Variants in BCAS3 observed in about 807,000 individuals in gnomAD.
The protein encoded by BCAS3 is BCAS4/BCAS3 fusion.
A neutral mutation model predicts 116.1 loss-of-function variants in BCAS3; 53 were observed. The ratio of observed to expected loss-of-function variants is 0.46; its 90% CI spans 0.37 to 0.57. BCAS3 has a LOEUF of 0.57. BCAS3 is among the 20% of genes least tolerant of loss of function. The pLI is 0.00. For synonymous variants in BCAS3, 391 were observed against 408.2 expected, an observed-to-expected ratio of 0.96 and a Z score of 0.51; for missense variants, 917 against 1,165.4, an observed-to-expected ratio of 0.79 and a Z score of 3.10.
At chr17:60,830,672 T>A (rs753273154) in intron 7 of BCAS3, among the ~76,000 whole-genome samples, 3 of 152,096 alleles carry the variant, frequency 2.0e-5, no homozygotes, top group Non-Finnish European at 2.9e-5. Flanking sequence ...AAAACTCCTT[T>A]TACACAAAAG....
intron 22 of BCAS3, among the ~76,000 whole-genome samples, chr17:61,157,826 GTCTTC>G (rs935031992): frequency 7.9e-5 from 12 of 152,126 alleles, no homozygotes; most frequent in African/African-American, 2.9e-4. Flanking sequence ...GGAAGACCTT[GTCTTC>G]ATTCATCTAT....
At chr17:60,992,158 A>G (rs978754967) in intron 15 of BCAS3, among the ~76,000 whole-genome samples, 5 of 149,268 alleles carry the variant, frequency 3.3e-5, no homozygotes, top group African/African-American at 1.0e-4. Flanking sequence ...TACTGACCAC[A>G]TTACACATTC....
chr17:61,170,412 C>T (rs1380164336), intron 22 of BCAS3, among the ~76,000 whole-genome samples: 1 of 152,030 alleles, frequency 6.6e-6, no homozygotes, highest in Admixed American at 6.6e-5. Context: ...CCTGCCTCAG[C>T]CTCCCAAGTG....
chr17:61,185,374 C>T (rs973031018), intron 22 of BCAS3, among the ~76,000 whole-genome samples: 3 of 152,136 alleles, frequency 2.0e-5, no homozygotes, highest in African/African-American at 7.2e-5. Flanking sequence ...GGGCTATCTC[C>T]ATATACAGTA....
chr17:61,345,263 G>C lies in BCAS3; in HGVS notation c.2426-23064G>C, dbSNP rs932502079. On this transcript the variant is annotated intron_variant, in intron 22 of 23. Coordinates refer to ENST00000407086, the MANE Select transcript of BCAS3 (RefSeq NM_017679.5). ...AGGAGACTCCGCTTCCGCTATGCCT[G>C]ACTGGCTGGCTGGGCGATTCTTTGG... is the stretch of plus-strand genomic sequence containing the variant. Among the ~76,000 whole-genome samples, 4 of 152,208 alleles carry C rather than the reference G, an allele frequency of 2.6e-5. No homozygotes were observed. The East Asian group carries it at 5.8e-4, about 22-fold the overall frequency.
Position 61,088,165 on chromosome 17 carries a change from G to T in BCAS3, c.2425+3601G>T, listed in dbSNP as rs139813858. Among the ~76,000 whole-genome samples, 1 of 152,104 alleles carries T rather than the reference G, an allele frequency of 6.6e-6. No individual in the cohort carries two copies. Among genetic ancestry groups the T allele is most frequent in the Non-Finnish European group, 1.5e-5 (1 of 68,018 alleles). ...CCAGTGCACTCTAGCCTGGGTGACCGAGCAAGGCTCTGTCTCAAAAAGACA... is the reference window on the plus strand; with the variant it reads ...CCAGTGCACTCTAGCCTGGGTGACCTAGCAAGGCTCTGTCTCAAAAAGACA... On this transcript the variant is annotated intron_variant, in intron 22 of 23. Transcript: ENST00000407086. This position sits in a 1 kb window ranked among gnomAD's most constrained non-coding sequence, Gnocchi z 4.2.
At chr17:60,916,022 T>C (rs2058762061) in intron 12 of BCAS3, among the ~76,000 whole-genome samples, 1 of 152,160 alleles carries the variant, frequency 6.6e-6, no homozygotes, top group Admixed American at 6.5e-5. Context: ...TATTCCATTG[T>C]ATGAATGTGT....
chr17:61,277,721 G>A (rs1223506695), intron 22 of BCAS3, among the ~76,000 whole-genome samples: 2 of 152,078 alleles, frequency 1.3e-5, no homozygotes, highest in African/African-American at 4.8e-5. Context: ...GATACACAAT[G>A]GCCAATAATC....
At chr17:60,942,527 G>C (rs1264693883) in intron 13 of BCAS3, among the ~76,000 whole-genome samples, 1 of 152,080 alleles carries the variant, frequency 6.6e-6, no homozygotes, top group Non-Finnish European at 1.5e-5. Context: ...ATCATAGCTA[G>C]ACATATAATG....
chr17:60,783,184 A>T (rs72843584), intron 6 of BCAS3, among the ~76,000 whole-genome samples: 6 of 152,100 alleles, frequency 3.9e-5, no homozygotes, highest in African/African-American at 1.4e-4. Flanking sequence ...CAGTTTTTCA[A>T]TCAACAGTTT....
chr17:61,239,563 A>C lies in BCAS3; in HGVS notation c.2426-128764A>C, dbSNP rs149849135. Among the ~76,000 whole-genome samples, 535 of 152,304 alleles carry C rather than the reference A, an allele frequency of 3.5e-3. 9 individuals carry two copies. Among genetic ancestry groups the C allele is most frequent in the Non-Finnish European group, 9.7e-4 (66 of 68,022 alleles). On this transcript the variant is annotated intron_variant, in intron 22 of 23. Transcript: ENST00000407086. The surrounding 1 kb of genome is among the most constrained non-coding windows in gnomAD (Gnocchi z 4.2). ...TTATCAGTGGCTCCAAGATTAATATAAAAAGAGAACTTCATTTACTCTGAG... is the reference window on the plus strand; with the variant it reads ...TTATCAGTGGCTCCAAGATTAATATCAAAAGAGAACTTCATTTACTCTGAG...
Position 61,235,196 on chromosome 17 carries a change from C to T in BCAS3, c.2426-133131C>T, listed in dbSNP as rs111943956. ...ACCACCACGCCTGGCTGTCTGCCCCCCGCCTGTCCTAAGCACTTTAAATGT... is the reference window on the plus strand; with the variant it reads ...ACCACCACGCCTGGCTGTCTGCCCCTCGCCTGTCCTAAGCACTTTAAATGT... On this transcript the variant is annotated intron_variant, in intron 22 of 23. Transcript: ENST00000407086. The surrounding 1 kb of genome is among the most constrained non-coding windows in gnomAD (Gnocchi z 5.0). 2.0e-5 allele frequency among the ~76,000 whole-genome samples: 3 copies of T among 152,128 alleles called. No homozygotes were observed. The highest frequency in any genetic ancestry group is 7.2e-5 in the African/African-American group (3 of 41,432).
rs2061728501 is a variant in BCAS3, at chr17:60,967,623, C to T, written c.1221+20271C>T. ...ATTATTATTTCTTTGGCTGCATTTTCTACCCTTTAGTCTTATCTCCCTCTT... is the reference window on the plus strand; with the variant it reads ...ATTATTATTTCTTTGGCTGCATTTTTTACCCTTTAGTCTTATCTCCCTCTT... On this transcript the variant is annotated intron_variant, in intron 14 of 23. Transcript: ENST00000407086. The surrounding 1 kb of genome is among the most constrained non-coding windows in gnomAD (Gnocchi z 4.7). Among the ~76,000 whole-genome samples, 1 of 152,078 alleles carries T rather than the reference C, an allele frequency of 6.6e-6. No homozygotes were observed. The highest frequency in any genetic ancestry group is 2.4e-5 in the African/African-American group (1 of 41,420).
chr17:61,192,636 C>T (rs1432403694), intron 22 of BCAS3, among the ~76,000 whole-genome samples: 3 of 152,084 alleles, frequency 2.0e-5, no homozygotes, highest in Non-Finnish European at 4.4e-5. Context: ...CAGTTCTATA[C>T]CCAGCTAAAA....
chr17:60,887,311 GGTGC>G (rs2056771704), intron 9 of BCAS3: 1 of 84,298 alleles, frequency 1.2e-5, no homozygotes, highest in African/African-American at 2.8e-4. Flanking sequence ...GCTCGCGCAC[GGTGC>G]ACGGTGCGTG....
At position 61,317,498 on chromosome 17, in the gene BCAS3, C is replaced by G. The variant is rs116899621; in HGVS notation, c.2426-50829C>G. Among the ~76,000 whole-genome samples the G allele has an allele frequency of 2.9e-3, 441 of 152,278 alleles. 2 individuals carry two copies. Among genetic ancestry groups the G allele is most frequent in the Non-Finnish European group, 4.6e-3 (310 of 68,026 alleles). On this transcript the variant is annotated intron_variant, in intron 22 of 23. Transcript: ENST00000407086. ...CCAGACAGTTCCTGGTGTTTGGGGCCTGGACCAGGAAAATGCAGCTCATGG... is the reference window on the plus strand; with the variant it reads ...CCAGACAGTTCCTGGTGTTTGGGGCGTGGACCAGGAAAATGCAGCTCATGG...
chr17:60,991,490 C>T (rs1238204940), intron 15 of BCAS3, among the ~76,000 whole-genome samples: 4 of 152,146 alleles, frequency 2.6e-5, no homozygotes, highest in Admixed American at 6.6e-5. Context: ...CTCACTAGAA[C>T]GACAGAAAAC....
intron 13 of BCAS3, among the ~76,000 whole-genome samples, chr17:60,941,075 A>G (rs888539697): frequency 1.3e-5 from 2 of 152,236 alleles, no homozygotes; most frequent in Non-Finnish European, 2.9e-5. Flanking sequence ...GTGTACCATC[A>G]GCAGCTTGAA....
At chr17:60,925,769 C>T (rs1474610937) in intron 13 of BCAS3, among the ~76,000 whole-genome samples, 1 of 152,002 alleles carries the variant, frequency 6.6e-6, no homozygotes, top group Non-Finnish European at 1.5e-5. Context: ...TGGTGTAATA[C>T]TTCCAGTGGT....
Sources: allele counts gnomAD v4.1 joint callset (sites outside exome capture counted in the v4.1 genomes callset), GRCh38; gene constraint gnomAD v4.1.1; non-coding constraint Gnocchi (gnomAD v3.1); transcripts MANE v1.5; gene names NCBI Gene and HGNC (gene_info 2026-07-23, HGNC 2026-07-21).